Variants in PSRC1 observed in about 807,000 individuals in gnomAD.
PSRC1 encodes the protein proline/serine-rich coiled-coil protein 1.
A neutral mutation model predicts 31.9 loss-of-function variants in PSRC1; 30 were observed. The observed-to-expected ratio is 0.94, with a 90% CI of 0.70 to 1.28. PSRC1 has a LOEUF of 1.28. Ranked by LOEUF, PSRC1 falls within the 50% of genes most tolerant of loss-of-function variation. The pLI is 0.00. For synonymous variants in PSRC1, 191 were observed against 192.1 expected (o/e 0.99, Z 0.05); for missense variants, 481 against 472.8 (o/e 1.02, Z -0.16).
chr1:109,282,475 A>T, intron 3 of PSRC1, 43 bp downstream of exon 3: 1 of 1,563,112 alleles, frequency 6.4e-7, no homozygotes, highest in Non-Finnish European at 8.8e-7. Flanking sequence ...CGAGACAAAG[A>T]GGTACTGTTA....
intron 1 of PSRC1, 54 bp from the exon 2 acceptor site, chr1:109,282,790 C>T (rs1293803912): frequency 1.3e-6 from 2 of 1,533,674 alleles, no homozygotes; most frequent in Non-Finnish European, 1.8e-6. Flanking sequence ...AGGCTCGCAG[C>T]TAGATTCAGG....
rs773919831 is a variant in PSRC1, at chr1:109,281,765, G to A, written c.373C>T (p.Arg125Ter). 45 of 1,613,956 alleles carry A rather than the reference G, an allele frequency of 2.8e-5. No individual in the cohort carries two copies. Among genetic ancestry groups the A allele is most frequent in the Admixed American group, 6.7e-5 (4 of 59,996 alleles). Residue 125 changes from arginine to a stop codon, truncating the protein, a stop_gained, in exon 4 of 7, where the codon CGA becomes TGA. Transcript: ENST00000409138. LOFTEE classifies it high-confidence loss of function. ...GAGTTCACAGTGGGCAGCAGGTCTC[G>A]GACAGGACTATCCTTCAGCACAAAG... is the stretch of plus-strand genomic sequence containing the variant.
intron 3 of PSRC1, 109 bp from the exon 4 acceptor site, chr1:109,282,169 G>A: frequency 1.0e-6 from 1 of 1,002,046 alleles, no homozygotes. Flanking sequence ...ATGACCCTAG[G>A]CCCCGATGCC....
rs567432597 is a variant in PSRC1, at chr1:109,280,730, G to A, written c.994+47C>T. 5 of 1,459,986 alleles carry A rather than the reference G, an allele frequency of 3.4e-6. No homozygotes were observed. In the East Asian group the frequency reaches 9.2e-5, roughly 27 times the overall value. 90.4% of individuals were successfully genotyped at this position (1,459,986 alleles called of 1,614,324 possible). A position where few individuals can be genotyped will look rare whatever the true frequency, so the allele number is the denominator to read the frequency against. ...TCACTGTTGACAGCTCTGGGAGGGT[G>A]AGGACACGCTGGGCAAGGGCGGGCA... On this transcript the variant is annotated intron_variant, in intron 5 of 6. Coordinates refer to ENST00000409138, the Ensembl canonical transcript of PSRC1.
chr1:109,281,178 G>A (rs758831671), exon 5 of PSRC1: 10 of 1,613,582 alleles, frequency 6.2e-6, no homozygotes, highest in Non-Finnish European at 8.5e-6. Context: ...CCCCCGGACT[G>A]GGGGAGTCGA....
At chr1:109,280,348 T>A in intron 6 of PSRC1, 48 bp downstream of exon 7, 1 of 1,516,092 alleles carries the variant, frequency 6.6e-7, no homozygotes, top group East Asian at 2.3e-5. Context: ...GAATCCCAGA[T>A]GATGGCGGGG....
exon 1 of PSRC1, chr1:109,283,139 G>C (rs977679026): frequency 1.5e-5 from 3 of 206,848 alleles, no homozygotes; most frequent in African/African-American, 7.2e-5. Context: ...ACCTAGTCCC[G>C]GGAATCAGCT....
rs1266450191 is a variant in PSRC1, at chr1:109,280,860, AG to A, written c.910del (p.Leu304TyrfsTer35). ...TCGAGTTGACAGAGAATCCGGAGGT[AG>A]GGCACCTCTGCCAGGTGGCACACTC... On this transcript the variant is annotated frameshift_variant, in exon 5 of 7. Transcript: ENST00000409138. LOFTEE classifies it high-confidence loss of function. 2.0e-5 allele frequency: 32 copies of A among 1,613,438 alleles called. No homozygotes were observed. The highest frequency in any genetic ancestry group is 2.6e-5 in the Non-Finnish European group (31 of 1,179,582).
At chr1:109,282,607 T>A in intron 2 of PSRC1, 32 bp from the exon 3 acceptor site, 1 of 1,612,460 alleles carries the variant, frequency 6.2e-7, no homozygotes, top group Non-Finnish European at 8.5e-7. Flanking sequence ...AAGCCAGTCA[T>A]GGGTCCCTGA....
In PSRC1 at chr1:109,281,177, TG is replaced by T; in HGVS notation, c.593del (p.Pro198GlnfsTer25). The T allele has an allele frequency of 6.2e-7, 1 of 1,613,216 alleles. No individual in the cohort carries two copies. Among genetic ancestry groups the T allele is most frequent in the Non-Finnish European group, 8.5e-7 (1 of 1,179,604 alleles). ...CACTGGGCCCGGCTCTCCCCCGGAC[TG>T]GGGGAGTCGATCGGGTAAGAGGAGA... On this transcript the variant is annotated frameshift_variant, in exon 5 of 7. Coordinates refer to ENST00000409138, the Ensembl canonical transcript of PSRC1. LOFTEE classifies it high-confidence loss of function.
chr1:109,282,188 C>T, intron 3 of PSRC1, 128 bp from the exon 4 acceptor site: 1 of 865,776 alleles, frequency 1.2e-6, no homozygotes, highest in Non-Finnish European at 1.7e-6. Flanking sequence ...CCCATGCTGG[C>T]TGTGAGATGT....
exon 5 of PSRC1, chr1:109,281,109 C>T (rs371358138): frequency 8.7e-6 from 14 of 1,613,176 alleles, no homozygotes; most frequent in Middle Eastern, 1.6e-4. Context: ...CCCACTCACC[C>T]GCAACTTGGC....
rs1656807665 is a variant in PSRC1 at position 109,280,171 on chromosome 1, G to A, written c.1089-15C>T. On this transcript the variant is annotated splice_polypyrimidine_tract_variant and intron_variant, in intron 6 of 6. Coordinates refer to ENST00000409138, the Ensembl canonical transcript of PSRC1. ...GATCTCTTTACCTAAAGAAATAGAAGGAATAACTGCTTTAAAATGCCCTTC... is the reference window on the plus strand; with the variant it reads ...GATCTCTTTACCTAAAGAAATAGAAAGAATAACTGCTTTAAAATGCCCTTC... 1 of 1,613,842 alleles carries A rather than the reference G, an allele frequency of 6.2e-7. No individual in the cohort carries two copies. The highest frequency in any genetic ancestry group is 1.3e-5 in the African/African-American group (1 of 74,914).
In PSRC1 at chr1:109,281,197, G is replaced by A. The variant is rs554292759; in HGVS notation, c.574C>T (p.Leu192Phe). 7 of 1,613,438 alleles carry A rather than the reference G, an allele frequency of 4.3e-6. No homozygotes were observed. The South Asian group carries it at 5.5e-5, about 13-fold the overall frequency. Residue 192 changes from leucine (L) to phenylalanine (F), a missense_variant, in exon 5 of 7, where the codon CTT becomes TTT. Physicochemically the swap from Leu to Phe is conservative, Grantham distance 22. Transcript: ENST00000409138. ...CGGACTGGGGGAGTCGATCGGGTAA[G>A]AGGAGAAGATGCTGGGCTTTTGGAT...
chr1:109,282,333 C>T (rs1657307543), intron 3 of PSRC1, 185 bp downstream of exon 3: 2 of 627,008 alleles, frequency 3.2e-6, no homozygotes, highest in Non-Finnish European at 2.8e-6. Flanking sequence ...AAATCTAACT[C>T]CAGCTTCTCC....
At chr1:109,281,170 C>G (rs761749353) in exon 5 of PSRC1, 1 of 1,613,594 alleles carries the variant, frequency 6.2e-7, no homozygotes, top group Admixed American at 1.7e-5. Context: ...CCGGCTCTCC[C>G]CCGGACTGGG....
chr1:109,281,268 G>C lies in PSRC1; in HGVS notation c.520-17C>G, dbSNP rs1309266753. 3.9e-6 allele frequency: 6 copies of C among 1,548,378 alleles called. No homozygotes were observed. Among genetic ancestry groups the C allele is most frequent in the Middle Eastern group, 1.7e-4 (1 of 5,788 alleles). ...GGGTGACTCCTGAAACACAAAGAGA[G>C]AGAGAAAAAAGACTAGAGTGGAAAA... On this transcript the variant is annotated splice_polypyrimidine_tract_variant and intron_variant, in intron 4 of 6. Transcript: ENST00000409138.
Position 109,281,059 on chromosome 1 carries a change from G to A in PSRC1, c.712C>T (p.Pro238Ser), listed in dbSNP as rs1657007573. 6.2e-7 allele frequency: 1 copy of A among 1,613,340 alleles called. No individual in the cohort carries two copies. Among genetic ancestry groups the A allele is most frequent in the African/African-American group, 1.3e-5 (1 of 74,990 alleles). ...GGGGTGGGTGGGCCTGGTGGAGAGG[G>A]GTGGAGAAATTTCAGGGTCAATCCC... is the stretch of plus-strand genomic sequence containing the variant. The change falls in exon 5 of 7, where the codon CCC becomes TCC. Residue 238 changes from proline to serine, a missense_variant. Physicochemically the swap from Pro to Ser is moderately conservative, Grantham distance 74. Transcript: ENST00000409138.
At chr1:109,282,975 G>A (rs1657441353) in intron 1 of PSRC1, 88 bp downstream of exon 1, 5 of 568,278 alleles carry the variant, frequency 8.8e-6, no homozygotes, top group Non-Finnish European at 9.4e-6. Flanking sequence ...CGGCCTGCAC[G>A]CCCCATCTTC....
Sources: gnomAD v4.1 joint callset for allele counts on GRCh38, gnomAD v4.1.1 for gene constraint, MANE v1.5 for transcripts, NCBI Gene and HGNC (gene_info 2026-07-23, HGNC 2026-07-21) for gene names.